COL4A1: variants seen among roughly 807,000 people sequenced by gnomAD.
COL4A1 encodes collagen type IV alpha 1 chain, also known as collagen alpha-1(IV) chain.
In COL4A1, 40 loss-of-function variants were observed where a neutral mutation model predicts 216.6. The ratio of observed to expected loss-of-function variants is 0.18; its 90% CI spans 0.14 to 0.24. The LOEUF (loss-of-function observed/expected upper bound fraction) is 0.24. Ranked by LOEUF, COL4A1 falls within the 10% of genes least tolerant of loss-of-function variation. COL4A1 has a pLI of 1.00. For missense variants in COL4A1, 1,628 were observed against 2,196.8 expected, an observed-to-expected ratio of 0.74 and a Z score of 5.18; for synonymous variants, 839 against 810.7, an observed-to-expected ratio of 1.03 and a Z score of -0.59.
chr13:110,176,585 T>C (rs1877896267), intron 35 of COL4A1, 41 bp downstream of exon 35: 2 of 1,599,072 alleles, frequency 1.3e-6, no homozygotes, highest in Non-Finnish European at 1.7e-6. Flanking sequence ...GGCCTCATCC[T>C]GAGCCCTTGC....
chr13:110,301,250 C>G (rs1315630158), intron 1 of COL4A1, among the ~76,000 whole-genome samples: 1 of 152,200 alleles, frequency 6.6e-6, no homozygotes, highest in African/African-American at 2.4e-5. Context: ...GGGGAGGGGG[C>G]TCCCAAGAGA....
chr13:110,208,775 A>G, intron 12 of COL4A1, 74 bp downstream of exon 12: 1 of 1,379,518 alleles, frequency 7.2e-7, no homozygotes. Context: ...CCAGACATTG[A>G]TCCAAAGGTG....
At chr13:110,297,698 T>C (rs1373852672) in intron 1 of COL4A1, among the ~76,000 whole-genome samples, 1 of 152,176 alleles carries the variant, frequency 6.6e-6, no homozygotes, top group Non-Finnish European at 1.5e-5. Flanking sequence ...GTAACATCTA[T>C]CATACCATTA....
intron 51 of COL4A1, among the ~76,000 whole-genome samples, chr13:110,151,753 G>A (rs1876509640): frequency 6.6e-6 from 1 of 152,158 alleles, no homozygotes; most frequent in Non-Finnish European, 1.5e-5. Flanking sequence ...GGCCTTCGGG[G>A]ACCGGCCCGG....
At chr13:110,177,161 C>T (rs936955988) in intron 33 of COL4A1, 124 bp from the exon 34 acceptor site, 2 of 1,506,306 alleles carry the variant, frequency 1.3e-6, no homozygotes, top group Non-Finnish European at 1.8e-6. Flanking sequence ...CATAACTTGT[C>T]CAAAATGGCA....
At chr13:110,257,476 A>G (rs1041839958) in intron 1 of COL4A1, among the ~76,000 whole-genome samples, 1 of 152,254 alleles carries the variant, frequency 6.6e-6, no homozygotes, top group African/African-American at 2.4e-5. Context: ...ACCTAAAAGC[A>G]CAAGTACATT....
At chr13:110,167,272 T>C (rs917775715) in intron 43 of COL4A1, 42 bp from the exon 44 acceptor site, 5 of 1,470,170 alleles carry the variant, frequency 3.4e-6, no homozygotes, top group Non-Finnish European at 4.8e-6. Flanking sequence ...TCAGGATATG[T>C]AGGTTAAGTC....
intron 2 of COL4A1, among the ~76,000 whole-genome samples, chr13:110,234,733 A>G (rs1881227561): frequency 6.6e-6 from 1 of 152,138 alleles, no homozygotes; most frequent in African/African-American, 2.4e-5. Context: ...TTTAACCTGA[A>G]CTCAGTTTTC....
chr13:110,257,689 T>C (rs937236286), intron 1 of COL4A1, among the ~76,000 whole-genome samples: 1 of 152,070 alleles, frequency 6.6e-6, no homozygotes, highest in Non-Finnish European at 1.5e-5. Flanking sequence ...AAACCACACT[T>C]CCCCACTATA....
chr13:110,290,740 G>A (rs900711895), intron 1 of COL4A1, among the ~76,000 whole-genome samples: 3 of 150,976 alleles, frequency 2.0e-5, no homozygotes, highest in African/African-American at 7.5e-5. Flanking sequence ...ACGAGAGCAA[G>A]TGGGGACTGG....
At chr13:110,203,178 A>C (rs1192533332) in intron 18 of COL4A1, among the ~76,000 whole-genome samples, 1 of 151,864 alleles carries the variant, frequency 6.6e-6, no homozygotes, top group African/African-American at 2.4e-5. Flanking sequence ...GCACCACTGC[A>C]CTCCAGCCTG....
chr13:110,293,427 T>G (rs117326226), intron 1 of COL4A1, among the ~76,000 whole-genome samples: 2 of 152,352 alleles, frequency 1.3e-5, no homozygotes, highest in African/African-American at 2.4e-5. Flanking sequence ...TTCAAGTTAA[T>G]GCTACAGTTT....
chr13:110,152,402 C>G lies in COL4A1; in HGVS notation c.4860G>C (p.Gly1620=). The G allele has an allele frequency of 6.2e-7, 1 of 1,614,202 alleles. No homozygotes were observed. Among genetic ancestry groups the G allele is most frequent in the Non-Finnish European group, 8.5e-7 (1 of 1,180,042 alleles). Residue 1620 remains glycine, a synonymous_variant, in exon 51 of 52, where the codon GGG becomes GGC. Coordinates refer to ENST00000375820, the MANE Select transcript of COL4A1 (RefSeq NM_001845.6). ...AAGCGTTTGCGTAGTAATTGCAGGT[C>G]CCACGGCCGTGACACTCGATGAATG... ...SAPFIECHGR[G]TCNYYANAYS...
At chr13:110,288,804 T>G (rs1045788751) in intron 1 of COL4A1, among the ~76,000 whole-genome samples, 3 of 151,884 alleles carry the variant, frequency 2.0e-5, no homozygotes, top group Admixed American at 6.6e-5. Flanking sequence ...GAGGCTGAGG[T>G]GGGCAGATCA....
At chr13:110,255,961 CCTTAT>C (rs1262104011) in intron 1 of COL4A1, among the ~76,000 whole-genome samples, 1 of 150,160 alleles carries the variant, frequency 6.7e-6, no homozygotes, top group Admixed American at 6.7e-5. Context: ...CTGTGACTGA[CCTTAT>C]CTTATGACAG....
At chr13:110,208,659 C>A (rs1319281462) in intron 12 of COL4A1, among the ~76,000 whole-genome samples, 190 bp downstream of exon 12, 1 of 152,118 alleles carries the variant, frequency 6.6e-6, no homozygotes, top group Non-Finnish European at 1.5e-5. Flanking sequence ...TAAATTCTAG[C>A]GTACTGAATA....
intron 1 of COL4A1, among the ~76,000 whole-genome samples, chr13:110,297,383 T>C (rs1408184967): frequency 6.6e-6 from 1 of 151,928 alleles, no homozygotes; most frequent in Non-Finnish European, 1.5e-5. Context: ...CATTTACCAG[T>C]ATCGTGTCTG....
Position 110,172,766 on chromosome 13 carries a change from T to C in COL4A1, c.3510A>G (p.Leu1170=), listed in dbSNP as rs1877703780. The C allele has an allele frequency of 5.6e-6, 9 of 1,613,886 alleles. No individual in the cohort carries two copies. Among genetic ancestry groups the C allele is most frequent in the South Asian group, 2.2e-5 (2 of 91,084 alleles). Residue 1170 remains leucine (L), a synonymous_variant, in exon 41 of 52, where the codon CTA becomes CTG. Transcript: ENST00000375820. ...GAAACCCTGGGAATCCTCTTCCTGG[T>C]AGACCTATAAGATGAGGGTAAAATG... ...GSAGEKGEPG[L]PGRGFPGFPG... is the part of the protein sequence containing the mutation.
rs12585906 is a variant in COL4A1, at chr13:110,162,485, G to A, written c.4250-43C>T. The stretch of plus-strand genomic sequence containing the variant: ...AATTAGTTTCCCTAATTACAAACAC[G>A]CTCCCCTAAAGGCTTTCAAAATCAT... On this transcript the variant is annotated intron_variant, in intron 47 of 51. Coordinates refer to ENST00000375820, the MANE Select transcript of COL4A1 (RefSeq NM_001845.6). The A allele has an allele frequency of 2.3e-3, 3,146 of 1,376,538 alleles. 103 individuals are homozygous for A. The East Asian group carries it at 0.058, about 25-fold the overall frequency. The allele number at this position is 1,376,538 out of a possible 1,614,324, so 85.3% of individuals were successfully genotyped here. A position where few individuals can be genotyped will look rare whatever the true frequency, so the allele number is the denominator to read the frequency against.
Sources: allele counts gnomAD v4.1 joint callset (sites outside exome capture counted in the v4.1 genomes callset), GRCh38; gene constraint gnomAD v4.1.1; transcripts MANE v1.5; gene names NCBI Gene and HGNC (gene_info 2026-07-23, HGNC 2026-07-21).